Variants in SLC35F3 observed in about 807,000 individuals in gnomAD.
SLC35F3 encodes solute carrier family 35 member F3.
A neutral mutation model predicts 49.9 loss-of-function variants in SLC35F3; 25 were observed. That is an observed-to-expected ratio of 0.50 (90% CI 0.37 to 0.70). SLC35F3 has a LOEUF of 0.70. SLC35F3 is among the 30% of genes least tolerant of loss of function. The probability of loss-of-function intolerance (pLI) is 0.00; values close to 1 mark genes in which losing one functional copy is unlikely to be tolerated. For missense variants in SLC35F3, 525 were observed against 639.8 expected, an observed-to-expected ratio of 0.82 and a Z score of 1.94; for synonymous variants, 275 against 265.4, an observed-to-expected ratio of 1.04 and a Z score of -0.35.
At chr1:233,930,403 A>T (rs1302888491) in intron 2 of SLC35F3, among the ~76,000 whole-genome samples, 1 of 152,180 alleles carries the variant, frequency 6.6e-6, no homozygotes, top group African/African-American at 2.4e-5. Context: ...AAGAGGTATT[A>T]TAATTTCCCA....
chr1:233,912,222 G>A (rs1212136363), intron 2 of SLC35F3, among the ~76,000 whole-genome samples: 1 of 152,166 alleles, frequency 6.6e-6, no homozygotes, highest in Admixed American at 6.5e-5. Flanking sequence ...GCTCATGCCT[G>A]TAATCTCAAT....
intron 2 of SLC35F3, among the ~76,000 whole-genome samples, chr1:234,212,044 T>A (rs1358099019): frequency 6.6e-6 from 1 of 152,164 alleles, no homozygotes. Flanking sequence ...AGGGGGAGTT[T>A]CCCTGCACAA....
intron 2 of SLC35F3, among the ~76,000 whole-genome samples, chr1:234,135,424 T>A (rs778245002): frequency 6.6e-6 from 1 of 152,162 alleles, no homozygotes; most frequent in African/African-American, 2.4e-5. Context: ...TGGAATAGTG[T>A]CAGAGAAGAA....
At chr1:234,033,340 T>G (rs1054536567) in intron 2 of SLC35F3, among the ~76,000 whole-genome samples, 2 of 152,228 alleles carry the variant, frequency 1.3e-5, no homozygotes, top group African/African-American at 4.8e-5. Context: ...TCTTTGGCTG[T>G]GCGGAAGTTT....
intron 2 of SLC35F3, among the ~76,000 whole-genome samples, chr1:234,126,241 C>G (rs1018851866): frequency 1.3e-5 from 2 of 152,170 alleles, no homozygotes; most frequent in African/African-American, 4.8e-5. Context: ...TTCTCCTCTC[C>G]CCACCAGCCA....
intron 2 of SLC35F3, among the ~76,000 whole-genome samples, chr1:234,141,301 T>C (rs1665910395): frequency 6.6e-6 from 1 of 152,220 alleles, no homozygotes; most frequent in Non-Finnish European, 1.5e-5. Context: ...GCTCCAGCTC[T>C]ACATGGTGCA....
At chr1:234,264,471 T>C (rs1330980982) in intron 3 of SLC35F3, among the ~76,000 whole-genome samples, 1 of 152,246 alleles carries the variant, frequency 6.6e-6, no homozygotes. Context: ...CCACTATGGA[T>C]GAGCTCTTAT....
chr1:234,179,643 G>A (rs1666527970), intron 2 of SLC35F3, among the ~76,000 whole-genome samples: 1 of 152,098 alleles, frequency 6.6e-6, no homozygotes, highest in African/African-American at 2.4e-5. Flanking sequence ...GTTAATACCT[G>A]GCATCAGCAC....
intron 2 of SLC35F3, among the ~76,000 whole-genome samples, chr1:234,226,902 A>T (rs1034823986): frequency 6.6e-6 from 1 of 151,956 alleles, no homozygotes; most frequent in Non-Finnish European, 1.5e-5. Flanking sequence ...TCACCATGCC[A>T]TGGAGTATAT....
chr1:234,284,110 G>T (rs567540241), intron 3 of SLC35F3, among the ~76,000 whole-genome samples: 18 of 152,208 alleles, frequency 1.2e-4, no homozygotes, highest in Non-Finnish European at 2.2e-4. Flanking sequence ...TCACTATGTT[G>T]CCCAGGCTGG....
intron 2 of SLC35F3, among the ~76,000 whole-genome samples, chr1:234,013,108 A>C (rs989781438): frequency 6.6e-6 from 1 of 152,256 alleles, no homozygotes; most frequent in African/African-American, 2.4e-5. Context: ...GAATAAATTT[A>C]AGAGGATTCA....
chr1:234,270,631 C>T (rs1668083252), intron 3 of SLC35F3, among the ~76,000 whole-genome samples: 1 of 152,240 alleles, frequency 6.6e-6, no homozygotes, highest in Non-Finnish European at 1.5e-5. Context: ...CTACAAAGCT[C>T]ATTGCACATT....
intron 2 of SLC35F3, among the ~76,000 whole-genome samples, chr1:234,226,369 A>G: frequency 6.6e-6 from 1 of 151,914 alleles, no homozygotes; most frequent in Admixed American, 6.6e-5. Flanking sequence ...GCACTTTCTA[A>G]GGGTAAACTC....
chr1:234,275,398 C>T (rs149634556), intron 3 of SLC35F3, among the ~76,000 whole-genome samples: 1 of 151,968 alleles, frequency 6.6e-6, no homozygotes, highest in East Asian at 1.9e-4. Flanking sequence ...AAGGAATACT[C>T]AGCCTATATC....
At position 233,954,751 on chromosome 1, in the gene SLC35F3, G is replaced by T. The variant is rs372817578; in HGVS notation, c.283+48993G>T. On this transcript the variant is annotated intron_variant, in intron 2 of 7. Coordinates refer to ENST00000366618, the MANE Select transcript of SLC35F3 (RefSeq NM_173508.4). Reference sequence around the variant, plus strand: ...CCTTCTTGCAGCCTTGAGGATGAAAGCTCCCTGATAAGCATAGCAAACCAG... The same window carrying T: ...CCTTCTTGCAGCCTTGAGGATGAAATCTCCCTGATAAGCATAGCAAACCAG... Among the ~76,000 whole-genome samples the T allele has an allele frequency of 7.3e-4, 111 of 152,294 alleles. 1 individual carries two copies. The highest frequency in any genetic ancestry group is 2.6e-3 in the African/African-American group (109 of 41,572).
intron 3 of SLC35F3, among the ~76,000 whole-genome samples, chr1:234,256,341 G>A (rs1047008974): frequency 6.6e-6 from 1 of 152,132 alleles, no homozygotes. Context: ...CTGAATGATT[G>A]AACAGACCTC....
intron 2 of SLC35F3, among the ~76,000 whole-genome samples, chr1:234,052,619 T>G (rs967332134): frequency 6.6e-6 from 1 of 152,198 alleles, no homozygotes; most frequent in African/African-American, 2.4e-5. Flanking sequence ...TTTGAAGGTT[T>G]TTTTGTGTCT....
chr1:234,220,791 T>C (rs1172869257), intron 2 of SLC35F3, among the ~76,000 whole-genome samples: 1 of 152,128 alleles, frequency 6.6e-6, no homozygotes, highest in East Asian at 1.9e-4. Flanking sequence ...GGAGATGCCA[T>C]TAGCAGTAAC....
intron 2 of SLC35F3, among the ~76,000 whole-genome samples, chr1:234,193,375 A>T (rs1479023808): frequency 6.6e-6 from 1 of 152,208 alleles, no homozygotes; most frequent in African/African-American, 2.4e-5. Context: ...TGGTGTGGGG[A>T]TAATTGGCAA....
Sources: allele counts gnomAD v4.1 joint callset (sites outside exome capture counted in the v4.1 genomes callset), GRCh38; gene constraint gnomAD v4.1.1; transcripts MANE v1.5; gene names NCBI Gene and HGNC (gene_info 2026-07-23, HGNC 2026-07-21).